PCDH15: variants seen among roughly 807,000 people sequenced by gnomAD.
The protein encoded by PCDH15 is protocadherin-15.
A neutral mutation model predicts 178.5 loss-of-function variants in PCDH15; 129 were observed. The observed-to-expected ratio is 0.72, with a 90% CI of 0.63 to 0.84. PCDH15 has a LOEUF of 0.84. Among genes scored for constraint, PCDH15 ranks in the 40% least tolerant of loss-of-function variants. The probability of loss-of-function intolerance (pLI) is 0.00; values close to 1 mark genes in which losing one functional copy is unlikely to be tolerated. For missense variants in PCDH15, 2,230 were observed against 2,099.9 expected, an observed-to-expected ratio of 1.06 and a Z score of -1.21; for synonymous variants, 800 against 732.0, an observed-to-expected ratio of 1.09 and a Z score of -1.50.
chr10:54,091,637 T>C (rs892536269), intron 15 of PCDH15, among the ~76,000 whole-genome samples: 8 of 152,208 alleles, frequency 5.3e-5, no homozygotes, highest in African/African-American at 1.9e-4. Flanking sequence ...GAATATTGAC[T>C]ATGTGCTAGG....
chr10:55,037,805 A>AT (rs1433344342), intron 2 of PCDH15, among the ~76,000 whole-genome samples: 2 of 152,174 alleles, frequency 1.3e-5, no homozygotes, highest in Admixed American at 1.3e-4. Flanking sequence ...TAGTTTTAGC[A>AT]TTAAGGTAAT....
chr10:54,286,615 A>C (rs2059043146), intron 8 of PCDH15, among the ~76,000 whole-genome samples: 1 of 152,122 alleles, frequency 6.6e-6, no homozygotes, highest in African/African-American at 2.4e-5. Flanking sequence ...TCTGAAAAAC[A>C]TGACTCTTCC....
intron 1 of PCDH15, among the ~76,000 whole-genome samples, chr10:55,308,977 G>T (rs888437291): frequency 2.6e-5 from 4 of 152,144 alleles, no homozygotes; most frequent in African/African-American, 7.2e-5. Flanking sequence ...AAGCAATACA[G>T]ATGGGACCAT....
intron 2 of PCDH15, among the ~76,000 whole-genome samples, chr10:54,970,050 A>T (rs2131892831): frequency 6.6e-6 from 1 of 152,248 alleles, no homozygotes; most frequent in South Asian, 2.1e-4. Context: ...AGTCCTTAGG[A>T]GATGATTAGG....
At chr10:55,530,472 G>A (rs1222018080) in intron 2 of PCDH15, among the ~76,000 whole-genome samples, 3 of 151,928 alleles carry the variant, frequency 2.0e-5, no homozygotes, top group African/African-American at 4.8e-5. Flanking sequence ...TCTTGAGTGA[G>A]GATCTATTCT....
At chr10:54,473,060 G>T (rs559275729) in intron 3 of PCDH15, among the ~76,000 whole-genome samples, 1 of 152,214 alleles carries the variant, frequency 6.6e-6, no homozygotes, top group African/African-American at 2.4e-5. Context: ...ATAGACCTCA[G>T]TGAGGTGGCT....
chr10:54,274,616 TTGTGTGTGTGTGTGTG>T (rs3069673), intron 8 of PCDH15, among the ~76,000 whole-genome samples: 13 of 144,660 alleles, frequency 9.0e-5, no homozygotes, highest in South Asian at 2.2e-4. Context: ...CTCAGTTTAA[TTGTGTGTGTGTGTGTG>T]TGTGTGTGTG....
chr10:55,097,693 T>C lies in PCDH15; in HGVS notation c.-80+68883A>G, dbSNP rs182643321. Among the ~76,000 whole-genome samples the C allele has an allele frequency of 2.2e-4, 34 of 151,924 alleles. 1 individual carries two copies. The East Asian group carries it at 4.8e-3, about 22-fold the overall frequency. ...AAGAGGTAAGAAGTCACCAGATAGATAGATAGATAGAGAGACAGATAGATA... is the reference window on the plus strand; with the variant it reads ...AAGAGGTAAGAAGTCACCAGATAGACAGATAGATAGAGAGACAGATAGATA... On this transcript the variant is annotated intron_variant, in intron 2 of 5. Coordinates refer to the PCDH15 transcript ENST00000458638.
chr10:55,060,950 A>C (rs1173231861), intron 2 of PCDH15, among the ~76,000 whole-genome samples: 1 of 152,096 alleles, frequency 6.6e-6, no homozygotes, highest in African/African-American at 2.4e-5. Flanking sequence ...ACAGTCCTAA[A>C]TGTAAAATGC....
intron 15 of PCDH15, among the ~76,000 whole-genome samples, chr10:54,108,683 C>A (rs2094959749): frequency 6.6e-6 from 1 of 152,112 alleles, no homozygotes; most frequent in African/African-American, 2.4e-5. Context: ...GCTTGTGCAA[C>A]CCCTCCCTCA....
chr10:54,455,908 C>G (rs2076787549), intron 3 of PCDH15, among the ~76,000 whole-genome samples: 1 of 152,170 alleles, frequency 6.6e-6, no homozygotes, highest in Non-Finnish European at 1.5e-5. Flanking sequence ...TCAATGGGTA[C>G]AAGCCCCAAG....
At chr10:54,142,864 T>C (rs28821200) in intron 14 of PCDH15, among the ~76,000 whole-genome samples, 2,350 of 152,218 alleles carry the variant, frequency 0.015, 75 homozygotes, top group African/African-American at 0.054. Flanking sequence ...AAGTATTAGG[T>C]CTTATTGCTT....
At chr10:54,060,874 C>T (rs2093999837) in intron 18 of PCDH15, among the ~76,000 whole-genome samples, 4 of 151,848 alleles carry the variant, frequency 2.6e-5, no homozygotes, top group South Asian at 2.1e-4. Context: ...ATGAGAAGTC[C>T]GGGATCCCTG....
intron 2 of PCDH15, among the ~76,000 whole-genome samples, chr10:55,343,395 A>G (rs1844656488): frequency 6.6e-6 from 1 of 152,034 alleles, no homozygotes; most frequent in South Asian, 2.1e-4. Flanking sequence ...GATGGCCTTT[A>G]CCTCCTTGTA....
At chr10:54,007,786 T>A (rs2092435417) in intron 20 of PCDH15, among the ~76,000 whole-genome samples, 1 of 152,204 alleles carries the variant, frequency 6.6e-6, no homozygotes, top group Non-Finnish European at 1.5e-5. Context: ...AAAGAAATTA[T>A]GTTTCTGCTC....
At chr10:55,047,026 C>T (rs1007865425) in intron 2 of PCDH15, among the ~76,000 whole-genome samples, 6 of 151,370 alleles carry the variant, frequency 4.0e-5, no homozygotes, top group South Asian at 2.1e-4. Flanking sequence ...TTTTTAATCT[C>T]GATTACATTC....
intron 1 of PCDH15, among the ~76,000 whole-genome samples, chr10:54,678,807 T>C (rs1487817046): frequency 6.6e-6 from 1 of 152,186 alleles, no homozygotes; most frequent in Admixed American, 6.6e-5. Context: ...GAAATAATAA[T>C]GATACAACAT....
At chr10:54,126,816 A>G (rs1048825423) in intron 15 of PCDH15, among the ~76,000 whole-genome samples, 5 of 152,034 alleles carry the variant, frequency 3.3e-5, no homozygotes, top group African/African-American at 7.2e-5. Context: ...TGGTTCACAT[A>G]TAGACTCTGC....
chr10:54,571,044 C>T (rs2089764941), intron 2 of PCDH15, among the ~76,000 whole-genome samples: 1 of 151,818 alleles, frequency 6.6e-6, no homozygotes, highest in Non-Finnish European at 1.5e-5. Context: ...CAAAGTGAGG[C>T]AAAAGCCACC....
Sources: allele counts gnomAD v4.1 joint callset (sites outside exome capture counted in the v4.1 genomes callset), GRCh38; gene constraint gnomAD v4.1.1; transcripts MANE v1.5; gene names NCBI Gene and HGNC (gene_info 2026-07-23, HGNC 2026-07-21).